Variants in ANO5 observed in about 807,000 individuals in gnomAD.
ANO5 encodes anoctamin 5.
Under a neutral mutation model 121.0 loss-of-function variants are expected in ANO5, and 109 were observed. The ratio of observed to expected loss-of-function variants is 0.90; its 90% CI spans 0.77 to 1.06. The LOEUF (loss-of-function observed/expected upper bound fraction) is 1.06. Ranked by LOEUF, ANO5 falls within the 50% of genes least tolerant of loss-of-function variation. ANO5 has a pLI of 0.00. For synonymous variants in ANO5, 406 were observed against 359.9 expected (o/e 1.13, Z -1.45); for missense variants, 1,064 against 1,078.5 (o/e 0.99, Z 0.19).
At chr11:22,257,797 G>T in intron 14 of ANO5, 43 bp downstream of exon 14, 2 of 1,487,626 alleles carry the variant, frequency 1.3e-6, no homozygotes, top group South Asian at 2.3e-5. Context: ...TTCAACAGGT[G>T]ATTAAATGAG....
chr11:22,238,699 A>C (rs1313874673), intron 8 of ANO5, among the ~76,000 whole-genome samples: 1 of 151,954 alleles, frequency 6.6e-6, no homozygotes, highest in Non-Finnish European at 1.5e-5. Flanking sequence ...TCATATAAAG[A>C]TTTTCACACG....
chr11:22,271,214 C>A (rs1854600353), intron 18 of ANO5, among the ~76,000 whole-genome samples: 1 of 152,112 alleles, frequency 6.6e-6, no homozygotes, highest in Non-Finnish European at 1.5e-5. Flanking sequence ...TGCCATCACG[C>A]CCGGCTAATT....
intron 16 of ANO5, among the ~76,000 whole-genome samples, chr11:22,262,689 A>G (rs1428552624): frequency 4.6e-5 from 7 of 152,196 alleles, no homozygotes; most frequent in African/African-American, 1.7e-4. Flanking sequence ...ACCCTAACCC[A>G]GATATAAAGA....
At chr11:22,198,758 TAAAAA>T (rs919034020) in intron 1 of ANO5, among the ~76,000 whole-genome samples, 1 of 151,714 alleles carries the variant, frequency 6.6e-6, no homozygotes, top group East Asian at 1.9e-4. Context: ...TTTTTGTCCT[TAAAAA>T]AAAGCCTCTC....
chr11:22,243,152 A>C (rs1047810488), intron 9 of ANO5, among the ~76,000 whole-genome samples: 8 of 152,036 alleles, frequency 5.3e-5, no homozygotes, highest in African/African-American at 1.9e-4. Flanking sequence ...CTTTTTCTGC[A>C]TTTATTGAGA....
Position 22,274,618 on chromosome 11 carries a change from A to C in ANO5, c.2285A>C (p.Tyr762Ser), listed in dbSNP as rs373292041. 1 of 1,612,774 alleles carries C rather than the reference A, an allele frequency of 6.2e-7. No homozygotes were observed. Among genetic ancestry groups the C allele is most frequent in the East Asian group, 2.2e-5 (1 of 44,812 alleles). ...TSDIIPRLVYYYAYSTNATQP... is the reference protein window; with the variant it reads ...TSDIIPRLVYSYAYSTNATQP... Reference sequence around the variant, plus strand: ...GACATCATTCCCCGTCTAGTTTACTACTATGCTTACTCAACAAATGCCACA... The same window carrying C: ...GACATCATTCCCCGTCTAGTTTACTCCTATGCTTACTCAACAAATGCCACA... The change falls in exon 20 of 22, where the codon TAC (tyrosine) becomes TCC (serine). Residue 762 changes from tyrosine (Y) to serine (S), a missense_variant. Coordinates refer to ENST00000324559, the MANE Select transcript of ANO5 (RefSeq NM_213599.3).
chr11:22,220,831 A>G (rs1193766233), intron 4 of ANO5, among the ~76,000 whole-genome samples: 1 of 151,914 alleles, frequency 6.6e-6, no homozygotes, highest in East Asian at 1.9e-4. Context: ...TTTGAGATCA[A>G]TTTATACATA....
chr11:22,201,004 A>G (rs1374225337), intron 1 of ANO5, among the ~76,000 whole-genome samples: 4 of 152,154 alleles, frequency 2.6e-5, no homozygotes, highest in Non-Finnish European at 5.9e-5. Context: ...AGTCCCTTAT[A>G]TAAAATGCCA....
In ANO5 at chr11:22,279,678, A is replaced by G; in HGVS notation, c.2655A>G (p.Lys885=). The stretch of plus-strand genomic sequence containing the variant: ...ATGATTTTGAGCTCAACAAATTAAA[A>G]GAGAACTTGGGAATTAATTCTAATG... ...ILHDFELNKL[K]ENLGINSNEF... Residue 885 remains lysine, a synonymous_variant, in exon 22 of 22, where the codon AAA becomes AAG. Transcript: ENST00000324559. 1 of 1,613,000 alleles carries G rather than the reference A, an allele frequency of 6.2e-7. No individual in the cohort carries two copies. The highest frequency in any genetic ancestry group is 1.1e-5 in the South Asian group (1 of 91,052).
At chr11:22,258,871 C>T (rs1288093633) in intron 14 of ANO5, among the ~76,000 whole-genome samples, 1 of 152,104 alleles carries the variant, frequency 6.6e-6, no homozygotes, top group Non-Finnish European at 1.5e-5. Flanking sequence ...CAGTGGCTCA[C>T]GCCTGTAATC....
intron 3 of ANO5, among the ~76,000 whole-genome samples, chr11:22,215,726 C>T (rs1316818217): frequency 1.3e-5 from 2 of 151,814 alleles, no homozygotes; most frequent in Non-Finnish European, 2.9e-5. Flanking sequence ...CAATAAAATG[C>T]ACCCATTTTA....
intron 3 of ANO5, 150 bp downstream of exon 3, chr11:22,211,464 T>C (rs1852274507): frequency 1.2e-5 from 12 of 964,534 alleles, no homozygotes; most frequent in African/African-American, 1.6e-5. Context: ...AAAAAAAAAA[T>C]CAGTTTCTTT....
At chr11:22,251,088 A>T in intron 12 of ANO5, 77 bp downstream of exon 12, 1 of 1,364,896 alleles carries the variant, frequency 7.3e-7, no homozygotes. Context: ...CATATGACAG[A>T]TGAAATATCT....
chr11:22,236,632 G>T (rs751600830), intron 8 of ANO5, among the ~76,000 whole-genome samples: 10 of 152,104 alleles, frequency 6.6e-5, no homozygotes, highest in African/African-American at 1.2e-4. Flanking sequence ...AAGTTTTGAA[G>T]CTGTAAAGAA....
intron 4 of ANO5, among the ~76,000 whole-genome samples, chr11:22,220,420 C>T (rs1042074563): frequency 1.3e-5 from 2 of 151,944 alleles, no homozygotes; most frequent in Non-Finnish European, 2.9e-5. Flanking sequence ...AATGAACTAA[C>T]TACACAACAC....
chr11:22,227,412 T>G lies in ANO5; in HGVS notation c.474T>G (p.Ile158Met), dbSNP rs1287869775. ...AAATGCCTATTAAGGAGAGTGATATTCCCCGCCCTAAGCACACTCCTATAA... is the reference window on the plus strand; with the variant it reads ...AAATGCCTATTAAGGAGAGTGATATGCCCCGCCCTAAGCACACTCCTATAA... ...GIKMPIKESD[I>M]PRPKHTPISY... Residue 158 changes from isoleucine (I) to methionine (M), a missense_variant, in exon 7 of 22, where the codon ATT (isoleucine) becomes ATG (methionine). By Grantham distance (10) the Ile-to-Met change is conservative. Transcript: ENST00000324559. 1 of 1,613,446 alleles carries G rather than the reference T, an allele frequency of 6.2e-7. No individual in the cohort carries two copies. The highest frequency in any genetic ancestry group is 1.3e-5 in the African/African-American group (1 of 74,826).
chr11:22,279,544 C>T lies in ANO5; in HGVS notation c.2521C>T (p.His841Tyr), dbSNP rs781027702. 2 of 1,607,698 alleles carry T rather than the reference C, an allele frequency of 1.2e-6. No homozygotes were observed. The highest frequency in any genetic ancestry group is 2.2e-5 in the South Asian group (2 of 90,924). The change falls in exon 22 of 22, where the codon CAT becomes TAT. Residue 841 changes from histidine to tyrosine, a missense_variant and splice_region_variant. Transcript: ENST00000324559. Reference protein sequence around the residue: ...AKMTFIIVMEHVVFLVKFLLA... With the variant: ...AKMTFIIVMEYVVFLVKFLLA... Reference sequence around the variant, plus strand: ...AATCTTTCCTTTATATTTCCTCTAGCATGTTGTGTTTTTAGTTAAATTTTT... The same window carrying T: ...AATCTTTCCTTTATATTTCCTCTAGTATGTTGTGTTTTTAGTTAAATTTTT...
chr11:22,244,721 T>A (rs747012509), intron 9 of ANO5, among the ~76,000 whole-genome samples: 3 of 152,138 alleles, frequency 2.0e-5, no homozygotes, highest in Non-Finnish European at 4.4e-5. Flanking sequence ...ATTGCTTCCA[T>A]TCCAGAAGTT....
intron 1 of ANO5, among the ~76,000 whole-genome samples, chr11:22,195,829 T>C (rs1412169818): frequency 6.6e-6 from 1 of 152,128 alleles, no homozygotes; most frequent in Non-Finnish European, 1.5e-5. Flanking sequence ...GAGAAATAGA[T>C]ATTGATGAGG....
Sources: allele counts gnomAD v4.1 joint callset (sites outside exome capture counted in the v4.1 genomes callset), GRCh38; gene constraint gnomAD v4.1.1; transcripts MANE v1.5; gene names NCBI Gene and HGNC (gene_info 2026-07-23, HGNC 2026-07-21).